The following TRMT44 variants were observed in gnomAD, a reference collection of about 807,000 sequenced individuals.
TRMT44 encodes probable tRNA (uracil-O(2)-)-methyltransferase.
In TRMT44, 78 loss-of-function variants were observed where a neutral mutation model predicts 77.3. The ratio of observed to expected loss-of-function variants is 1.01; its 90% CI spans 0.84 to 1.22. The LOEUF is 1.22. Among genes scored for constraint, TRMT44 ranks in the 50% most tolerant of loss-of-function variants. The pLI is 0.00. For missense variants in TRMT44, 1,090 were observed against 964.4 expected, an observed-to-expected ratio of 1.13 and a Z score of -1.73; for synonymous variants, 391 against 383.3, an observed-to-expected ratio of 1.02 and a Z score of -0.23.
intron 2 of TRMT44, among the ~76,000 whole-genome samples, chr4:8,481,939 CCTT>C (rs1268854737): frequency 6.6e-6 from 1 of 152,186 alleles, no homozygotes; most frequent in Non-Finnish European, 1.5e-5. Context: ...TGCTTGGTTT[CCTT>C]TTTTCATCAT....
At chr4:8,474,234 TG>T (rs1727215619) in intron 10 of TRMT44, among the ~76,000 whole-genome samples, 1 of 152,202 alleles carries the variant, frequency 6.6e-6, no homozygotes, top group African/African-American at 2.4e-5. Context: ...CTCTGGCCCC[TG>T]GGGCTCCTCC....
intron 6 of TRMT44, among the ~76,000 whole-genome samples, chr4:8,460,634 G>T (rs1307238553): frequency 6.7e-6 from 1 of 150,032 alleles, no homozygotes; most frequent in Non-Finnish European, 1.5e-5. Context: ...GCTCACTGCA[G>T]CCTCCACCTC....
At chr4:8,507,730 C>CAGG in the TRMT44 span, among the ~76,000 whole-genome samples, 1 of 152,198 alleles carries the variant, frequency 6.6e-6, no homozygotes, top group Non-Finnish European at 1.5e-5. Context: ...CATGTACAGA[C>CAGG]AGGAGTCCAG....
chr4:8,485,877 A>G (rs1727787326), intron 2 of TRMT44, among the ~76,000 whole-genome samples: 2 of 152,272 alleles, frequency 1.3e-5, no homozygotes, highest in South Asian at 4.1e-4. Flanking sequence ...CACAACAGTT[A>G]TTGGGGCGAG....
the TRMT44 span, among the ~76,000 whole-genome samples, chr4:8,500,898 G>GGGAT: frequency 6.6e-6 from 1 of 152,224 alleles, no homozygotes. Context: ...CTGGCCTGAA[G>GGGAT]GGATCTGCCC....
At chr4:8,504,211 A>C in the TRMT44 span, among the ~76,000 whole-genome samples, 2 of 151,920 alleles carry the variant, frequency 1.3e-5, no homozygotes, top group Non-Finnish European at 2.9e-5. This position sits in a 1 kb window ranked among gnomAD's most constrained non-coding sequence, Gnocchi z 5.3. Context: ...CACCATTTCC[A>C]TGCTGCTCAT....
At chr4:8,447,803 G>A (rs1014572938) in intron 2 of TRMT44, among the ~76,000 whole-genome samples, 4 of 152,170 alleles carry the variant, frequency 2.6e-5, no homozygotes, top group African/African-American at 9.7e-5. Context: ...AGGAGTGAGA[G>A]CAGACACTAG....
downstream of TRMT44, among the ~76,000 whole-genome samples, chr4:8,497,700 T>G (rs1255095194): frequency 3.3e-5 from 5 of 152,214 alleles, no homozygotes; most frequent in Admixed American, 2.6e-4. Context: ...AGGCTCAGCT[T>G]TTTAGATGTG....
At chr4:8,454,122 T>C (rs2109113226) in intron 5 of TRMT44, among the ~76,000 whole-genome samples, 1 of 152,142 alleles carries the variant, frequency 6.6e-6, no homozygotes, top group African/African-American at 2.4e-5. Context: ...GTGGCCAAGG[T>C]GCAAGAAGAG....
chr4:8,482,149 GC>G (rs753509480), intron 2 of TRMT44: 3 of 152,150 alleles, frequency 2.0e-5, no homozygotes, highest in Admixed American at 1.3e-4. Context: ...CCCTTGTTCA[GC>G]TCTGCGTCCC....
In TRMT44 at chr4:8,471,178, G is replaced by C; in HGVS notation, c.2022G>C (p.Arg674=). The change falls in exon 10 of 11, where the codon CGG becomes CGC. Residue 674 remains arginine (R), a synonymous_variant. Coordinates refer to ENST00000389737, the MANE Select transcript of TRMT44 (RefSeq NM_152544.3). ...RECGGLQTLL[R]NSHQVFQVVN... ...GTGGGGGCCTGCAGACGCTGCTCCG[G>C]AACAGCCACCAGGTGTTCCAAGGTA... 3.1e-6 allele frequency: 5 copies of C among 1,604,464 alleles called. No individual in the cohort carries two copies. The highest frequency in any genetic ancestry group is 4.3e-6 in the Non-Finnish European group (5 of 1,175,342).
chr4:8,493,967 G>C (rs576592134), downstream of TRMT44, among the ~76,000 whole-genome samples: 1 of 148,704 alleles, frequency 6.7e-6, no homozygotes, highest in East Asian at 1.9e-4. Context: ...TGTGGATCTC[G>C]TATGCTTAGG....
Position 8,454,819 on chromosome 4 carries a change from G to A in TRMT44, c.1203+6G>A, listed in dbSNP as rs373935788. The A allele has an allele frequency of 1.4e-5, 22 of 1,613,824 alleles. No individual in the cohort carries two copies. Among genetic ancestry groups the A allele is most frequent in the African/African-American group, 2.7e-5 (2 of 74,920 alleles). On this transcript the variant is annotated splice_donor_region_variant and intron_variant, in intron 6 of 10. Transcript: ENST00000389737. ...GACCACAAACTCAGTTAGAGGTACC[G>A]TCTTTATTACGCATGCCCTTGATCT... is the stretch of plus-strand genomic sequence containing the variant.
At chr4:8,488,596 G>A (rs1727893230) in intron 2 of TRMT44, among the ~76,000 whole-genome samples, 1 of 152,226 alleles carries the variant, frequency 6.6e-6, no homozygotes, top group Non-Finnish European at 1.5e-5. Context: ...CAGTTAAGGT[G>A]GGGCAGGGCA....
intron 2 of TRMT44, among the ~76,000 whole-genome samples, chr4:8,489,160 C>A (rs188306366): frequency 6.6e-6 from 1 of 152,322 alleles, no homozygotes; most frequent in East Asian, 1.9e-4. Flanking sequence ...GTGCCCTGGC[C>A]CCATGTGCTC....
At chr4:8,513,226 G>C in the TRMT44 span, among the ~76,000 whole-genome samples, 6 of 152,222 alleles carry the variant, frequency 3.9e-5, no homozygotes, top group African/African-American at 1.4e-4. Context: ...TGGCTATGGA[G>C]ACCTCACAAT....
At chr4:8,448,230 T>A (rs1036081261) in intron 2 of TRMT44, among the ~76,000 whole-genome samples, 5 of 152,172 alleles carry the variant, frequency 3.3e-5, no homozygotes, top group Non-Finnish European at 7.4e-5. Context: ...AATGAGGGGC[T>A]CCACTGTCGA....
chr4:8,468,884 C>A (rs924149106), intron 9 of TRMT44, among the ~76,000 whole-genome samples: 5 of 152,230 alleles, frequency 3.3e-5, no homozygotes, highest in African/African-American at 4.8e-5. Context: ...GAGAGCCAGC[C>A]AGGGCTGTAA....
chr4:8,514,716 TGGG>T, the TRMT44 span, among the ~76,000 whole-genome samples: 2 of 152,152 alleles, frequency 1.3e-5, no homozygotes, highest in African/African-American at 2.4e-5. Flanking sequence ...GGGACCCAGT[TGGG>T]GGGCAGCGCT....
Sources: allele counts gnomAD v4.1 joint callset (sites outside exome capture counted in the v4.1 genomes callset), GRCh38; gene constraint gnomAD v4.1.1; non-coding constraint Gnocchi (gnomAD v3.1); transcripts MANE v1.5; gene names NCBI Gene and HGNC (gene_info 2026-07-23, HGNC 2026-07-21).